Variants in UTRN observed in about 807,000 individuals in gnomAD.
UTRN encodes the protein utrophin, also known as dystrophin-related protein 1.
Under a neutral mutation model 463.9 loss-of-function variants are expected in UTRN, and 283 were observed. That is an observed-to-expected ratio of 0.61 (90% CI 0.55 to 0.67). The LOEUF (loss-of-function observed/expected upper bound fraction) is 0.67. Among genes scored for constraint, UTRN ranks in the 30% least tolerant of loss-of-function variants. UTRN has a pLI of 0.00. For synonymous variants in UTRN, 1,442 were observed against 1,431.5 expected (o/e 1.01, Z -0.17); for missense variants, 3,922 against 4,084.3 (o/e 0.96, Z 1.08).
rs141515180 is a variant in UTRN, at chr6:144,287,499, A to C, written c.-93+1678A>C. The stretch of plus-strand genomic sequence containing the variant: ...AGGTTTTGGTTCCTATAGTAAATTA[A>C]TGAATAGTGTTTGCATTACACAGCA... On this transcript the variant is annotated intron_variant, in intron 1 of 74. Transcript: ENST00000367545. 3.8e-3 allele frequency among the ~76,000 whole-genome samples: 583 copies of C among 152,286 alleles called. 4 individuals carry two copies. The highest frequency in any genetic ancestry group is 0.013 in the African/African-American group (539 of 41,542).
At chr6:144,484,674 C>T (rs1036958484) in intron 27 of UTRN, among the ~76,000 whole-genome samples, 1 of 151,818 alleles carries the variant, frequency 6.6e-6, no homozygotes, top group Non-Finnish European at 1.5e-5. Flanking sequence ...AACTCCTGAC[C>T]TCATGTGATC....
intron 67 of UTRN, 36 bp from the exon 68 acceptor site, chr6:144,827,575 G>A (rs751713975): frequency 6.2e-7 from 1 of 1,611,062 alleles, no homozygotes; most frequent in South Asian, 1.1e-5. Flanking sequence ...TCAATATTTG[G>A]GCATAAAATT....
chr6:144,317,052 A>G (rs1775327031), intron 2 of UTRN, among the ~76,000 whole-genome samples: 1 of 152,340 alleles, frequency 6.6e-6, no homozygotes, highest in Non-Finnish European at 1.5e-5. Context: ...ATTTGTCTCA[A>G]AGTGTCATAT....
intron 2 of UTRN, among the ~76,000 whole-genome samples, chr6:144,351,264 G>A (rs1383116313): frequency 1.3e-5 from 2 of 152,190 alleles, no homozygotes; most frequent in African/African-American, 4.8e-5. Context: ...AGTATTTCAA[G>A]TCAGTACAGG....
intron 65 of UTRN, among the ~76,000 whole-genome samples, chr6:144,818,551 A>C (rs1009166330): frequency 1.3e-5 from 2 of 152,222 alleles, no homozygotes; most frequent in Non-Finnish European, 2.9e-5. Context: ...CTAGGTATGG[A>C]GTTTACTCCC....
intron 25 of UTRN, among the ~76,000 whole-genome samples, chr6:144,476,684 G>T (rs7768823): frequency 0.32 from 47,915 of 151,980 alleles, 9,336 homozygotes; most frequent in African/African-American, 0.56. Flanking sequence ...CTTTTCACAG[G>T]GCCTAATGCT....
chr6:144,647,967 A>G (rs1778447147), intron 51 of UTRN, among the ~76,000 whole-genome samples: 1 of 152,234 alleles, frequency 6.6e-6, no homozygotes, highest in South Asian at 2.1e-4. Flanking sequence ...TATAATAAGC[A>G]CTTACTGTGT....
chr6:144,640,838 T>C (rs190407578), intron 51 of UTRN, among the ~76,000 whole-genome samples: 1 of 152,308 alleles, frequency 6.6e-6, no homozygotes, highest in East Asian at 1.9e-4. Context: ...GTTGAAATAG[T>C]TTTTAATGCC....
At chr6:144,816,734 T>TTC (rs1250865048) in intron 65 of UTRN, among the ~76,000 whole-genome samples, 1 of 43,000 alleles carries the variant, frequency 2.3e-5, no homozygotes, top group Non-Finnish European at 3.5e-5. Flanking sequence ...GCTTTTTTCC[T>TTC]TTTTTTTTTT....
intron 54 of UTRN, among the ~76,000 whole-genome samples, chr6:144,732,727 T>C (rs1261462483): frequency 6.7e-6 from 1 of 149,278 alleles, no homozygotes; most frequent in Non-Finnish European, 1.5e-5. Context: ...TGTTATGTTA[T>C]TTTGAGACAG....
intron 2 of UTRN, among the ~76,000 whole-genome samples, chr6:144,323,021 T>A (rs1204010616): frequency 1.3e-5 from 2 of 151,916 alleles, no homozygotes; most frequent in African/African-American, 4.8e-5. Flanking sequence ...GGGGACTCCA[T>A]CCATGTGTAA....
intron 2 of UTRN, among the ~76,000 whole-genome samples, chr6:144,347,039 G>A (rs1009051615): frequency 3.9e-5 from 6 of 152,120 alleles, no homozygotes; most frequent in Non-Finnish European, 7.3e-5. Context: ...ATTTGGAGGC[G>A]GGACTGGCCA....
chr6:144,378,751 A>T (rs1407276723), intron 2 of UTRN, among the ~76,000 whole-genome samples: 2 of 152,174 alleles, frequency 1.3e-5, no homozygotes, highest in Non-Finnish European at 2.9e-5. Context: ...TCCAAAGTTC[A>T]GAGAGTTGAT....
intron 51 of UTRN, among the ~76,000 whole-genome samples, chr6:144,671,086 C>G (rs776614785): frequency 6.6e-6 from 1 of 151,318 alleles, no homozygotes; most frequent in Non-Finnish European, 1.5e-5. Context: ...CCAGATTTCT[C>G]CCTTTTGTTT....
intron 2 of UTRN, among the ~76,000 whole-genome samples, chr6:144,293,557 ATACATAAAAAGG>A (rs1183755430): frequency 6.6e-6 from 1 of 152,166 alleles, no homozygotes; most frequent in East Asian, 1.9e-4. Flanking sequence ...TCCCTAGGCA[ATACATAAAAAGG>A]TACACTCAAG....
chr6:144,637,658 A>G (rs1373154264), intron 51 of UTRN, among the ~76,000 whole-genome samples: 1 of 151,806 alleles, frequency 6.6e-6, no homozygotes, highest in African/African-American at 2.4e-5. Context: ...AAAAAAAGAA[A>G]TGGTGTTTTT....
chr6:144,339,550 CTCTTT>C lies in UTRN; in HGVS notation c.79+47650_79+47654del, dbSNP rs910322696. On this transcript the variant is annotated intron_variant, in intron 2 of 74. Transcript: ENST00000367545. ...GAAGGGAACATGAGAACTCTGTGTA[CTCTTT>C]TCTTTTTTTTTTAACCACTTCTTTT... Among the ~76,000 whole-genome samples, 7 of 149,380 alleles carry C rather than the reference CTCTTT, an allele frequency of 4.7e-5. No homozygotes were observed. The South Asian group carries it at 6.2e-4, about 13-fold the overall frequency.
Position 144,537,720 on chromosome 6 carries a change from A to G in UTRN, c.6369+3A>G, listed in dbSNP as rs1377508491. The G allele has an allele frequency of 2.5e-6, 4 of 1,608,348 alleles. No individual in the cohort carries two copies. In the African/African-American group the frequency reaches 4.0e-5, roughly 16 times the overall value. On this transcript the variant is annotated splice_donor_region_variant and intron_variant, in intron 44 of 74. Coordinates refer to ENST00000367545, the MANE Select transcript of UTRN (RefSeq NM_007124.3). Reference sequence around the variant, plus strand: ...GAGAAAACCTGCAAGAATTAAGAGTAAGTTGTTTATTTCTGTCTATATGCC... The same window carrying G: ...GAGAAAACCTGCAAGAATTAAGAGTGAGTTGTTTATTTCTGTCTATATGCC...
intron 74 of UTRN, among the ~76,000 whole-genome samples, chr6:144,848,880 T>G (rs1205405514): frequency 6.6e-6 from 1 of 152,048 alleles, no homozygotes; most frequent in Non-Finnish European, 1.5e-5. Flanking sequence ...GACTGCATAA[T>G]GGAGTCATAT....
Sources: allele counts gnomAD v4.1 joint callset (sites outside exome capture counted in the v4.1 genomes callset), GRCh38; gene constraint gnomAD v4.1.1; transcripts MANE v1.5; gene names NCBI Gene and HGNC (gene_info 2026-07-23, HGNC 2026-07-21).